The following FAM222B variants were observed in gnomAD, a reference collection of about 807,000 sequenced individuals.
FAM222B encodes protein FAM222B.
FAM222B carries 12 observed loss-of-function variants against 38.0 expected under a neutral mutation model. The observed-to-expected ratio is 0.32, with a 90% CI of 0.20 to 0.51. The LOEUF is 0.51. Among genes scored for constraint, FAM222B ranks in the 20% least tolerant of loss-of-function variants. FAM222B has a pLI of 0.97. For synonymous variants in FAM222B, 329 were observed against 317.2 expected (o/e 1.04, Z -0.40); for missense variants, 716 against 754.2 (o/e 0.95, Z 0.59).
At chr17:28,806,298 G>A (rs1597977953) in intron 1 of FAM222B, among the ~76,000 whole-genome samples, 3 of 152,110 alleles carry the variant, frequency 2.0e-5, no homozygotes, top group African/African-American at 7.2e-5. Context: ...TTTGGTCTCT[G>A]TGAATCTAAG....
chr17:28,784,121 A>C (rs1355373511), intron 1 of FAM222B, among the ~76,000 whole-genome samples: 1 of 152,054 alleles, frequency 6.6e-6, no homozygotes, highest in African/African-American at 2.4e-5. Flanking sequence ...TTTGAAGATT[A>C]AATTTGGGTT....
chr17:28,837,184 A>G (rs890574417), intron 1 of FAM222B, among the ~76,000 whole-genome samples: 1 of 152,056 alleles, frequency 6.6e-6, no homozygotes, highest in African/African-American at 2.4e-5. Context: ...TAATCCCTGC[A>G]CTTTGGAAGG....
chr17:28,761,203 G>C (rs1460846953), intron 2 of FAM222B, among the ~76,000 whole-genome samples: 1 of 152,242 alleles, frequency 6.6e-6, no homozygotes, highest in African/African-American at 2.4e-5. Context: ...GGGCTCAGCG[G>C]ATGTCCGGCT....
chr17:28,809,405 A>G (rs1462046040), intron 1 of FAM222B, among the ~76,000 whole-genome samples: 1 of 152,130 alleles, frequency 6.6e-6, no homozygotes, highest in Non-Finnish European at 1.5e-5. Context: ...CAGGTTGGAT[A>G]AAAACAGACT....
At chr17:28,778,509 CTT>C (rs1275396963) in intron 1 of FAM222B, among the ~76,000 whole-genome samples, 4 of 135,044 alleles carry the variant, frequency 3.0e-5, no homozygotes, top group Admixed American at 7.6e-5. Flanking sequence ...CCCACCCCCG[CTT>C]TTTTTTTTTT....
intron 1 of FAM222B, among the ~76,000 whole-genome samples, chr17:28,852,184 A>G (rs2039186615): frequency 6.6e-6 from 1 of 151,820 alleles, no homozygotes; most frequent in African/African-American, 2.4e-5. Context: ...AGGCTAACAC[A>G]GTAAAACACC....
At chr17:28,836,186 C>T (rs934808454) in intron 1 of FAM222B, among the ~76,000 whole-genome samples, 6 of 151,814 alleles carry the variant, frequency 4.0e-5, no homozygotes, top group African/African-American at 1.5e-4. Context: ...GATGGGGTTT[C>T]ACCATATTGG....
At position 28,757,199 on chromosome 17, in the gene FAM222B, T is replaced by C. The variant is rs1334343421; in HGVS notation, c.*1071A>G. 1 of 152,522 alleles carries C rather than the reference T, an allele frequency of 6.6e-6. No homozygotes were observed. The highest frequency in any genetic ancestry group is 1.9e-4 in the East Asian group (1 of 5,206). 9.4% of individuals were successfully genotyped at this position (152,522 alleles called of 1,614,324 possible). Reference sequence around the variant, plus strand: ...GAAGTACTCAAAGAGCTTAAGGCTTTGTGTTTGTTTTTTTTTCCTTCATTA... The same window carrying C: ...GAAGTACTCAAAGAGCTTAAGGCTTCGTGTTTGTTTTTTTTTCCTTCATTA... On this transcript the variant is annotated 3_prime_UTR_variant, in exon 3 of 3. Transcript: ENST00000581407.
At chr17:28,840,303 T>C (rs896509050) in intron 1 of FAM222B, among the ~76,000 whole-genome samples, 1 of 151,764 alleles carries the variant, frequency 6.6e-6, no homozygotes, top group African/African-American at 2.4e-5. Flanking sequence ...GAGGTGGAGG[T>C]TGCAATGAGC....
chr17:28,839,223 GATA>G (rs1319601749), intron 1 of FAM222B, among the ~76,000 whole-genome samples: 1 of 151,986 alleles, frequency 6.6e-6, no homozygotes, highest in Non-Finnish European at 1.5e-5. Context: ...TAATAATAAT[GATA>G]ATAATAAGCC....
intron 1 of FAM222B, among the ~76,000 whole-genome samples, chr17:28,792,208 A>G (rs2036726448): frequency 6.6e-6 from 1 of 150,492 alleles, no homozygotes; most frequent in Admixed American, 6.7e-5. Context: ...GCTACTTAGG[A>G]GGCTGAGGCA....
intron 2 of FAM222B, among the ~76,000 whole-genome samples, chr17:28,764,169 G>A (rs1250026636): frequency 6.7e-6 from 1 of 149,898 alleles, no homozygotes; most frequent in African/African-American, 2.5e-5. Context: ...CTACTCGAGA[G>A]ACTAAGGCAG....
At chr17:28,775,550 T>A (rs2035848719) in intron 1 of FAM222B, among the ~76,000 whole-genome samples, 2 of 151,444 alleles carry the variant, frequency 1.3e-5, no homozygotes, top group South Asian at 2.1e-4. Context: ...ATTCATGCTG[T>A]GGCTCAAAAA....
intron 1 of FAM222B, among the ~76,000 whole-genome samples, chr17:28,798,397 C>A (rs1567851193): frequency 6.6e-6 from 1 of 151,866 alleles, no homozygotes; most frequent in Non-Finnish European, 1.5e-5. Context: ...ATAATAATAA[C>A]AAATTAAATA....
At chr17:28,818,465 T>C (rs2038103692) in intron 1 of FAM222B, among the ~76,000 whole-genome samples, 1 of 151,360 alleles carries the variant, frequency 6.6e-6, no homozygotes, top group Admixed American at 6.6e-5. Flanking sequence ...GAGGCGGAGC[T>C]TGCAGTCAGC....
At chr17:28,782,462 CTAAA>C (rs1183037076) in intron 1 of FAM222B, among the ~76,000 whole-genome samples, 1 of 152,112 alleles carries the variant, frequency 6.6e-6, no homozygotes, top group Non-Finnish European at 1.5e-5. Flanking sequence ...ATTATGGAAT[CTAAA>C]TAACTCCCAA....
intron 1 of FAM222B, chr17:28,854,946 C>T: frequency 4.1e-6 from 6 of 1,450,432 alleles, no homozygotes; most frequent in Non-Finnish European, 4.6e-6. Flanking sequence ...TTGGGCAGAC[C>T]TACCTCTCTC....
At chr17:28,819,310 T>C (rs889540372) in intron 1 of FAM222B, among the ~76,000 whole-genome samples, 2 of 152,170 alleles carry the variant, frequency 1.3e-5, no homozygotes, top group Non-Finnish European at 2.9e-5. Flanking sequence ...AAAGAACTCT[T>C]ATAACTAAAT....
intron 1 of FAM222B, among the ~76,000 whole-genome samples, chr17:28,788,762 G>A (rs1047749904): frequency 6.6e-6 from 1 of 151,314 alleles, no homozygotes; most frequent in African/African-American, 2.4e-5. Context: ...TGTTTTTTGA[G>A]TCAGAGTCTC....
Sources: allele counts gnomAD v4.1 joint callset (sites outside exome capture counted in the v4.1 genomes callset), GRCh38; gene constraint gnomAD v4.1.1; transcripts MANE v1.5; gene names NCBI Gene and HGNC (gene_info 2026-07-23, HGNC 2026-07-21).